The following USP22 variants were observed in gnomAD, a reference collection of about 807,000 sequenced individuals.
USP22 encodes ubiquitin specific peptidase 22, also known as ubiquitin carboxyl-terminal hydrolase 22.
Under a neutral mutation model 68.1 loss-of-function variants are expected in USP22, and 22 were observed. The observed-to-expected ratio is 0.32, with a 90% confidence interval of 0.23 to 0.46. The LOEUF (loss-of-function observed/expected upper bound fraction) is 0.46, where lower values mean the gene tolerates loss of function less well. Among genes scored for constraint, USP22 ranks in the 20% least tolerant of loss-of-function variants. USP22 has a pLI of 1.00. For synonymous variants in USP22, 279 were observed against 274.2 expected, an observed-to-expected ratio of 1.02 and a Z score of -0.17; for missense variants, 433 against 695.8, an observed-to-expected ratio of 0.62 and a Z score of 4.25.
chr17:21,010,532 C>T (rs1230415146), intron 8 of USP22, among the ~76,000 whole-genome samples: 2 of 141,510 alleles, frequency 1.4e-5, no homozygotes, highest in Admixed American at 7.0e-5. Context: ...CAAAAATTAG[C>T]CAGGCGTGGT....
At chr17:21,021,039 C>T (rs1204939431) in intron 3 of USP22, 74 bp downstream of exon 3, 2 of 1,245,126 alleles carry the variant, frequency 1.6e-6, no homozygotes, top group East Asian at 4.7e-5. Flanking sequence ...ACTTCTCTTT[C>T]TCCTACTGGG....
chr17:21,005,036 C>T (rs542330923), intron 10 of USP22, 46 bp from the exon 11 acceptor site: 3 of 1,604,028 alleles, frequency 1.9e-6, no homozygotes, highest in Non-Finnish European at 2.6e-6. Flanking sequence ...AATCATCAGG[C>T]CCAGAGACAC....
At chr17:21,034,473 C>G (rs992306218) in intron 1 of USP22, among the ~76,000 whole-genome samples, 26 of 152,200 alleles carry the variant, frequency 1.7e-4, no homozygotes, top group Admixed American at 6.5e-4. Context: ...TACCCACAGT[C>G]AACCTCAGTC....
chr17:21,002,862 A>G lies in USP22; in HGVS notation c.*169T>C. ...AGGAGCCTCCCCGTCCGTGTGGTCC[A>G]TCCCGACCCGATGGGTCCCAGGTGC... is the stretch of plus-strand genomic sequence containing the variant. On this transcript the variant is annotated 3_prime_UTR_variant, in exon 13 of 13. Coordinates refer to ENST00000261497, the MANE Select transcript of USP22 (RefSeq NM_015276.2). The G allele has an allele frequency of 1.3e-6, 1 of 780,076 alleles. No individual in the cohort carries two copies. Among genetic ancestry groups the G allele is most frequent in the Middle Eastern group, 3.9e-4 (1 of 2,570 alleles). 48.3% of individuals were successfully genotyped at this position (780,076 alleles called of 1,614,324 possible). A position where few individuals can be genotyped will look rare whatever the true frequency, so the allele number is the denominator to read the frequency against.
chr17:21,032,155 T>C (rs1419091806), intron 1 of USP22, among the ~76,000 whole-genome samples: 1 of 128,738 alleles, frequency 7.8e-6, no homozygotes, highest in East Asian at 1.9e-4. Context: ...TTCAGTACGG[T>C]ACGTGCTGTA....
At chr17:21,012,782 A>T (rs747487958) in intron 7 of USP22, 48 bp downstream of exon 7, 3 of 1,535,946 alleles carry the variant, frequency 2.0e-6, no homozygotes, top group Middle Eastern at 1.7e-4. Flanking sequence ...GGATGTCAGT[A>T]CGGCCCCAGA....
At chr17:21,007,756 C>T in intron 9 of USP22, 114 bp downstream of exon 9, 1 of 1,353,362 alleles carries the variant, frequency 7.4e-7, no homozygotes, top group Non-Finnish European at 1.0e-6. Flanking sequence ...CGGTGTTCTT[C>T]CTGCTTGCTG....
intron 2 of USP22, among the ~76,000 whole-genome samples, chr17:21,024,177 C>CA (rs1972192306): frequency 6.6e-6 from 1 of 152,132 alleles, no homozygotes; most frequent in Admixed American, 6.6e-5. Flanking sequence ...ATCAGCAGTA[C>CA]AGCCCCAGCA....
chr17:21,034,982 AT>A (rs1198871793), intron 1 of USP22, among the ~76,000 whole-genome samples: 2 of 152,194 alleles, frequency 1.3e-5, no homozygotes, highest in African/African-American at 4.8e-5. Flanking sequence ...CTTGGAATGT[AT>A]CCCTCAAGGA....
At chr17:21,025,151 T>TACTGTGC (rs1972204432) in intron 2 of USP22, among the ~76,000 whole-genome samples, 2 of 152,026 alleles carry the variant, frequency 1.3e-5, no homozygotes, top group Admixed American at 1.3e-4. Context: ...ACACACTGTA[T>TACTGTGC]ACTGTGCATG....
intron 12 of USP22, 129 bp from the exon 13 acceptor site, chr17:21,003,202 T>C: frequency 8.7e-7 from 1 of 1,151,908 alleles, no homozygotes; most frequent in East Asian, 2.4e-5. Flanking sequence ...GTTGATGGTT[T>C]TGGCTTTTTA....
At chr17:21,037,270 C>T (rs1972368996) in intron 1 of USP22, among the ~76,000 whole-genome samples, 2 of 152,230 alleles carry the variant, frequency 1.3e-5, no homozygotes, top group South Asian at 2.1e-4. Context: ...GTAGCTACTC[C>T]ATCCTCAAGG....
chr17:21,031,456 C>T (rs1972290304), intron 1 of USP22, among the ~76,000 whole-genome samples: 1 of 152,210 alleles, frequency 6.6e-6, no homozygotes, highest in Non-Finnish European at 1.5e-5. Context: ...ATCTCTACTA[C>T]ACAACCTAGG....
chr17:21,040,804 G>A (rs1251990288), intron 1 of USP22, among the ~76,000 whole-genome samples: 2 of 152,010 alleles, frequency 1.3e-5, no homozygotes, highest in Non-Finnish European at 2.9e-5. Context: ...AATCTTGGGC[G>A]CGTCACGTCC....
chr17:21,009,550 T>C (rs1913882914), intron 8 of USP22, among the ~76,000 whole-genome samples: 1 of 152,202 alleles, frequency 6.6e-6, no homozygotes, highest in Non-Finnish European at 1.5e-5. Context: ...TTCCCACACA[T>C]TGTAGTTTGT....
rs1029592219 is a variant in USP22, at chr17:21,011,409, G to A, written c.945-100C>T. 4.2e-6 allele frequency: 6 copies of A among 1,442,420 alleles called. No individual in the cohort carries two copies. The African/African-American group carries it at 5.7e-5, about 14-fold the overall frequency. The allele number at this position is 1,442,420 out of a possible 1,614,324, so 89.4% of individuals were successfully genotyped here. On this transcript the variant is annotated intron_variant, in intron 7 of 12. Coordinates refer to ENST00000261497, the MANE Select transcript of USP22 (RefSeq NM_015276.2). ...CGTTCCCACATCCCTTCCCCGCTGTGCCCTTTGTCACAGTGACACTCAGGT... is the reference window on the plus strand; with the variant it reads ...CGTTCCCACATCCCTTCCCCGCTGTACCCTTTGTCACAGTGACACTCAGGT...
chr17:21,028,710 TGATAAGACAGGGGTGC>T (rs768676548), intron 1 of USP22, 36 bp from the exon 2 acceptor site: 6 of 1,607,306 alleles, frequency 3.7e-6, no homozygotes, highest in Non-Finnish European at 5.1e-6. Flanking sequence ...GAACGCTGTG[TGATAAGACAGGGGTGC>T]TCAGAGGAAA....
intron 1 of USP22, among the ~76,000 whole-genome samples, chr17:21,040,722 G>A (rs1031537415): frequency 6.6e-6 from 1 of 152,124 alleles, no homozygotes; most frequent in East Asian, 1.9e-4. Flanking sequence ...GGGAGAGGGA[G>A]GGAGGGAACG....
At position 21,009,776 on chromosome 17, in the gene USP22, G is replaced by A. The variant is rs1181714018; in HGVS notation, c.1103+1375C>T. On this transcript the variant is annotated intron_variant, in intron 8 of 12. Transcript: ENST00000261497. ...TTGGGACTACCCTGGCCAATGTGGC[G>A]AAACCTAGTCTCTACTAAAAATACA... is the stretch of plus-strand genomic sequence containing the variant. Among the ~76,000 whole-genome samples the A allele has an allele frequency of 2.0e-5, 3 of 152,062 alleles. No homozygotes were observed. The East Asian group carries it at 5.8e-4, about 29-fold the overall frequency.
Sources: gnomAD v4.1 joint callset for allele counts (sites outside exome capture counted in the v4.1 genomes callset) on GRCh38, gnomAD v4.1.1 for gene constraint, MANE v1.5 for transcripts, NCBI Gene and HGNC (gene_info 2026-07-23, HGNC 2026-07-21) for gene names.